CSMD1: variants seen among roughly 807,000 people sequenced by gnomAD.
The protein encoded by CSMD1 is CUB and sushi domain-containing protein 1.
A neutral mutation model predicts 417.5 loss-of-function variants in CSMD1; 213 were observed. The observed-to-expected ratio is 0.51, with a 90% CI of 0.46 to 0.57. CSMD1 has a LOEUF of 0.57. Ranked by LOEUF, CSMD1 falls within the 20% of genes least tolerant of loss-of-function variation. The pLI is 0.00. For missense variants in CSMD1, 6,923 were observed against 4,529.7 expected, an observed-to-expected ratio of 1.53 and a Z score of -15.17; for synonymous variants, 2,862 against 1,736.8, an observed-to-expected ratio of 1.65 and a Z score of -16.11.
intron 3 of CSMD1, among the ~76,000 whole-genome samples, chr8:4,289,352 T>A (rs1284850749): frequency 2.6e-5 from 4 of 152,198 alleles, no homozygotes; most frequent in African/African-American, 9.6e-5. Flanking sequence ...TACATTTAAC[T>A]TTTCTTATAG....
intron 41 of CSMD1, among the ~76,000 whole-genome samples, chr8:3,137,467 C>T (rs1210755668): frequency 6.6e-6 from 1 of 152,228 alleles, no homozygotes; most frequent in Non-Finnish European, 1.5e-5. Flanking sequence ...GCGCTTCCTG[C>T]TGAGCGCGGA....
At chr8:4,636,712 T>A (rs1585370160) in intron 2 of CSMD1, among the ~76,000 whole-genome samples, 1 of 152,216 alleles carries the variant, frequency 6.6e-6, no homozygotes, top group African/African-American at 2.4e-5. Context: ...AAAGTTAAAT[T>A]TTTAAGTATA....
intron 2 of CSMD1, among the ~76,000 whole-genome samples, chr8:4,476,760 G>C (rs536147531): frequency 5.3e-5 from 8 of 152,246 alleles, no homozygotes; most frequent in Non-Finnish European, 1.2e-4. Flanking sequence ...TTGTTCATAT[G>C]TAAGGATTAG....
At chr8:3,686,141 G>C (rs73183367) in intron 7 of CSMD1, among the ~76,000 whole-genome samples, 9,197 of 152,076 alleles carry the variant, frequency 0.06, 326 homozygotes, top group East Asian at 0.15. Context: ...CTGTCTATGG[G>C]ACTATTAGGT....
intron 1 of CSMD1, among the ~76,000 whole-genome samples, chr8:4,911,534 G>A (rs1007417859): frequency 2.0e-5 from 3 of 152,244 alleles, no homozygotes; most frequent in South Asian, 2.1e-4. Context: ...TTAATCCCAA[G>A]TCAGGGCCAA....
At chr8:4,004,890 G>A (rs542687247) in intron 4 of CSMD1, among the ~76,000 whole-genome samples, 27 of 152,076 alleles carry the variant, frequency 1.8e-4, no homozygotes, top group South Asian at 6.2e-4. Flanking sequence ...GACTACAGGC[G>A]CCCGCCACCA....
chr8:3,249,854 G>A lies in CSMD1; in HGVS notation c.4154-19623C>T, dbSNP rs117186840. ...TATTTTGCAAATGGCTAATGGCACT[G>A]TGTTTCTATGAAATGTTTAGAAATG... On this transcript the variant is annotated intron_variant, in intron 26 of 69. Transcript: ENST00000635120. 5.7e-3 allele frequency among the ~76,000 whole-genome samples: 874 copies of A among 152,278 alleles called. 5 individuals are homozygous for A. The highest frequency in any genetic ancestry group is 9.1e-3 in the Non-Finnish European group (618 of 68,028).
intron 6 of CSMD1, among the ~76,000 whole-genome samples, chr8:3,738,790 C>T (rs1584927124): frequency 6.6e-6 from 1 of 152,188 alleles, no homozygotes; most frequent in East Asian, 1.9e-4. Flanking sequence ...ACTGGGTGCA[C>T]TATACAGATA....
intron 7 of CSMD1, among the ~76,000 whole-genome samples, chr8:3,663,681 C>T (rs1002381166): frequency 1.3e-5 from 2 of 152,192 alleles, no homozygotes; most frequent in African/African-American, 4.8e-5. Context: ...TACCTATGAA[C>T]TGGAAACCCC....
At chr8:3,665,128 T>C (rs1038630947) in intron 7 of CSMD1, among the ~76,000 whole-genome samples, 1 of 152,198 alleles carries the variant, frequency 6.6e-6, no homozygotes, top group African/African-American at 2.4e-5. Flanking sequence ...TTCAGGTGAT[T>C]AGGAATTTTG....
chr8:3,966,273 T>G (rs142069966), intron 5 of CSMD1, among the ~76,000 whole-genome samples: 1 of 152,174 alleles, frequency 6.6e-6, no homozygotes, highest in Non-Finnish European at 1.5e-5. Flanking sequence ...ATACTTAAAC[T>G]GAATGCAGAG....
At chr8:3,503,587 C>T (rs1265070115) in intron 10 of CSMD1, among the ~76,000 whole-genome samples, 2 of 152,200 alleles carry the variant, frequency 1.3e-5, no homozygotes, top group African/African-American at 4.8e-5. Context: ...CAGGGCCCTG[C>T]CAAGTCCCTT....
chr8:4,586,717 T>C (rs117358857), intron 2 of CSMD1, among the ~76,000 whole-genome samples: 1 of 152,174 alleles, frequency 6.6e-6, no homozygotes, highest in Admixed American at 6.5e-5. Flanking sequence ...CCTTAAAGCA[T>C]CATGCCTGTG....
chr8:3,824,616 TTAA>T (rs879638237), intron 5 of CSMD1, among the ~76,000 whole-genome samples: 12 of 152,228 alleles, frequency 7.9e-5, no homozygotes, highest in Non-Finnish European at 1.5e-4. Flanking sequence ...AGATATTTTA[TTAA>T]TGTTTTTCTA....
chr8:4,751,230 C>A (rs888253175), intron 1 of CSMD1, among the ~76,000 whole-genome samples: 2 of 152,118 alleles, frequency 1.3e-5, no homozygotes, highest in East Asian at 1.9e-4. Context: ...ACTAAAAATA[C>A]ACAAATTAGG....
rs1797494342 is a variant in CSMD1 at position 4,787,920 on chromosome 8, G to A, written c.86-150362C>T. 2.5e-6 allele frequency: 4 copies of A among 1,591,568 alleles called. No homozygotes were observed. In the South Asian group the frequency reaches 3.4e-5, roughly 13 times the overall value. Reference sequence around the variant, plus strand: ...GTGTTGATGTAACCACAAAGAAATTGTTCTTGCTGATGTAATTGACAATGA... The same window carrying A: ...GTGTTGATGTAACCACAAAGAAATTATTCTTGCTGATGTAATTGACAATGA... On this transcript the variant is annotated intron_variant, in intron 1 of 69. Coordinates refer to ENST00000635120, the MANE Select transcript of CSMD1 (RefSeq NM_033225.6).
intron 25 of CSMD1, among the ~76,000 whole-genome samples, chr8:3,285,768 G>C (rs1048060678): frequency 6.6e-6 from 1 of 151,366 alleles, no homozygotes; most frequent in Admixed American, 6.6e-5. Flanking sequence ...CCAAATCATT[G>C]GTTCTTTCTC....
chr8:3,665,781 G>T (rs1334566994), intron 7 of CSMD1, among the ~76,000 whole-genome samples: 2 of 152,192 alleles, frequency 1.3e-5, no homozygotes, highest in African/African-American at 2.4e-5. Flanking sequence ...GCTTGAAGCT[G>T]AGGCTATTTC....
At chr8:2,950,445 C>T (rs1802552456) in intron 66 of CSMD1, 102 bp from the exon 67 acceptor site, 5 of 700,842 alleles carry the variant, frequency 7.1e-6, no homozygotes, top group East Asian at 5.0e-5. Flanking sequence ...ATAATATCAT[C>T]GATAATAGAA....
Sources: allele counts gnomAD v4.1 joint callset (sites outside exome capture counted in the v4.1 genomes callset), GRCh38; gene constraint gnomAD v4.1.1; transcripts MANE v1.5; gene names NCBI Gene and HGNC (gene_info 2026-07-23, HGNC 2026-07-21).